The following SYNPR variants were observed in gnomAD, a reference collection of about 807,000 sequenced individuals.
SYNPR encodes the protein synaptoporin.
SYNPR carries 23 observed loss-of-function variants against 32.9 expected under a neutral mutation model. The observed-to-expected ratio is 0.70, with a 90% CI of 0.50 to 0.99. SYNPR has a LOEUF of 0.99. Among genes scored for constraint, SYNPR ranks in the 50% least tolerant of loss-of-function variants. The pLI, the probability that SYNPR is intolerant of heterozygous loss-of-function variation, is 0.00. For missense variants in SYNPR, 318 were observed against 349.3 expected, an observed-to-expected ratio of 0.91 and a Z score of 0.71; for synonymous variants, 146 against 135.9, an observed-to-expected ratio of 1.07 and a Z score of -0.52.
At chr3:63,301,275 C>T (rs1201836129) in intron 2 of SYNPR, among the ~76,000 whole-genome samples, 1 of 152,072 alleles carries the variant, frequency 6.6e-6, no homozygotes. Context: ...GTATAAAATG[C>T]GTTCAGCGCA....
At chr3:63,476,111 GAGGAAGGAAGGA>G (rs765639648) in intron 2 of SYNPR, among the ~76,000 whole-genome samples, 159 of 67,740 alleles carry the variant, frequency 2.3e-3, no homozygotes, top group African/African-American at 8.8e-3. Context: ...AGGGAGGGGG[GAGGAAGGAAGGA>G]AGGAAGGAAG....
chr3:63,297,800 T>C (rs368974130), intron 2 of SYNPR, among the ~76,000 whole-genome samples: 37 of 152,210 alleles, frequency 2.4e-4, no homozygotes, highest in African/African-American at 8.4e-4. Flanking sequence ...ATGGACCTCA[T>C]GTGCTGAATC....
At position 63,278,528 on chromosome 3, in the gene SYNPR, C is replaced by A. The variant is rs1457297510; in HGVS notation, c.-6C>A. On this transcript the variant is annotated 5_prime_UTR_variant, in exon 1 of 6. Transcript: ENST00000478300. ...GGTGGATGAGAAGAGCGAGCGAGGGCGAGCTATGGACCCTGTGAGTCAGGT... is the reference window on the plus strand; with the variant it reads ...GGTGGATGAGAAGAGCGAGCGAGGGAGAGCTATGGACCCTGTGAGTCAGGT... The A allele has an allele frequency of 2.6e-6, 4 of 1,547,926 alleles. No individual in the cohort carries two copies. Among genetic ancestry groups the A allele is most frequent in the Non-Finnish European group, 3.5e-6 (4 of 1,144,686 alleles).
At position 63,595,717 on chromosome 3, in the gene SYNPR, TTATATATATATATATATATATA is replaced by T. The variant is rs1169780634; in HGVS notation, c.409-13377_409-13356del. Among the ~76,000 whole-genome samples the T allele has an allele frequency of 7.0e-3, 126 of 17,880 alleles. 6 individuals carry two copies. Among genetic ancestry groups the T allele is most frequent in the Non-Finnish European group, 9.1e-3 (83 of 9,124 alleles). 11.7% of individuals were successfully genotyped at this position (17,880 alleles called of 152,430 possible). Reference sequence around the variant, plus strand: ...GGTGGTGGGACTTCTGAATCTTATTTTATATATATATATATATATATATATATATATATATATATATATATAT... The same window carrying T: ...GGTGGTGGGACTTCTGAATCTTATTTTATATATATATATATATATATATAT... On this transcript the variant is annotated intron_variant, in intron 4 of 5. Transcript: ENST00000478300.
intron 2 of SYNPR, among the ~76,000 whole-genome samples, chr3:63,266,115 A>G (rs753725223): frequency 3.3e-5 from 5 of 152,232 alleles, no homozygotes; most frequent in Non-Finnish European, 7.3e-5. Context: ...CTCCCAATCC[A>G]AGTGAACAAA....
intron 2 of SYNPR, among the ~76,000 whole-genome samples, chr3:63,424,944 T>G (rs896224331): frequency 6.6e-6 from 1 of 152,210 alleles, no homozygotes; most frequent in African/African-American, 2.4e-5. Context: ...AACCCTTGTG[T>G]GTAAATTTTT....
At chr3:63,541,810 G>T (rs918133772) in intron 3 of SYNPR, among the ~76,000 whole-genome samples, 23 of 152,028 alleles carry the variant, frequency 1.5e-4, no homozygotes, top group African/African-American at 4.6e-4. Context: ...TTTCAGAAAA[G>T]AATGCTTTTC....
chr3:63,499,235 T>A (rs955904013), intron 3 of SYNPR, among the ~76,000 whole-genome samples: 3 of 152,120 alleles, frequency 2.0e-5, no homozygotes, highest in Admixed American at 2.0e-4. Flanking sequence ...GCGAGAAGGT[T>A]AGGCAAAGAA....
At chr3:63,496,547 A>C (rs540181682) in intron 3 of SYNPR, among the ~76,000 whole-genome samples, 92 of 152,316 alleles carry the variant, frequency 6.0e-4, no homozygotes, top group African/African-American at 2.1e-3. Context: ...TACACACCTT[A>C]AATTTTTATA....
At chr3:63,424,219 G>A (rs1699854314) in intron 2 of SYNPR, among the ~76,000 whole-genome samples, 1 of 152,134 alleles carries the variant, frequency 6.6e-6, no homozygotes, top group African/African-American at 2.4e-5. Flanking sequence ...GAAACTCTCT[G>A]TTATATTCTT....
At chr3:63,415,379 T>C (rs2088526977) in intron 2 of SYNPR, among the ~76,000 whole-genome samples, 1 of 152,096 alleles carries the variant, frequency 6.6e-6, no homozygotes, top group South Asian at 2.1e-4. Flanking sequence ...GCCAAAAATT[T>C]GGCCCAAAAA....
At chr3:63,311,746 A>G (rs1353833349) in intron 2 of SYNPR, among the ~76,000 whole-genome samples, 1 of 152,092 alleles carries the variant, frequency 6.6e-6, no homozygotes, top group Non-Finnish European at 1.5e-5. Context: ...ACATATATGA[A>G]TACTTAGAAG....
intron 2 of SYNPR, among the ~76,000 whole-genome samples, chr3:63,363,927 A>G (rs566584585): frequency 1.3e-5 from 2 of 152,320 alleles, no homozygotes; most frequent in South Asian, 4.1e-4. Flanking sequence ...GATAATGAGG[A>G]AGAATATTAA....
intron 2 of SYNPR, among the ~76,000 whole-genome samples, chr3:63,450,681 C>T (rs1247139375): frequency 3.3e-5 from 5 of 152,148 alleles, no homozygotes. Context: ...AGAGCATGTA[C>T]TCCTAGGTGG....
intron 4 of SYNPR, among the ~76,000 whole-genome samples, chr3:63,570,985 T>C (rs899855490): frequency 4.6e-5 from 7 of 152,146 alleles, no homozygotes; most frequent in Non-Finnish European, 1.0e-4. Flanking sequence ...CCCCCCAAAA[T>C]ATAGACTACG....
chr3:63,386,791 C>A (rs770964744), intron 2 of SYNPR, among the ~76,000 whole-genome samples: 1 of 152,144 alleles, frequency 6.6e-6, no homozygotes, highest in Non-Finnish European at 1.5e-5. Context: ...TCAGGCACCT[C>A]GCAGAGCAAA....
intron 4 of SYNPR, among the ~76,000 whole-genome samples, chr3:63,597,559 T>C (rs1254404552): frequency 2.0e-5 from 3 of 152,170 alleles, no homozygotes; most frequent in Non-Finnish European, 4.4e-5. Flanking sequence ...TCTCTCTATG[T>C]AGGGATGTAG....
rs1418022420 is a variant in SYNPR at position 63,252,102 on chromosome 3, C to A, written n.67-397C>A. ...GTAAATATACTCTGATATAAAAGAT[C>A]TGCAAGATAAATTTTAAATTAAAAA... On this transcript the variant is annotated intron_variant and non_coding_transcript_variant, in intron 1 of 4. Coordinates refer to the SYNPR transcript ENST00000478456. Among the ~76,000 whole-genome samples the A allele has an allele frequency of 4.6e-5, 7 of 151,898 alleles. No individual in the cohort carries two copies. In the South Asian group the frequency reaches 1.5e-3, roughly 32 times the overall value.
intron 3 of SYNPR, among the ~76,000 whole-genome samples, chr3:63,504,909 G>C (rs991584922): frequency 3.3e-5 from 5 of 152,062 alleles, no homozygotes; most frequent in African/African-American, 1.2e-4. Flanking sequence ...AGGGATGTAG[G>C]GGAAGTGATA....
Sources: gnomAD v4.1 joint callset for allele counts (sites outside exome capture counted in the v4.1 genomes callset) on GRCh38, gnomAD v4.1.1 for gene constraint, MANE v1.5 for transcripts, NCBI Gene and HGNC (gene_info 2026-07-23, HGNC 2026-07-21) for gene names.